The following ARGFX variants were observed in gnomAD, a reference collection of about 807,000 sequenced individuals.
The protein encoded by ARGFX is arginine-fifty homeobox.
ARGFX carries 10 observed loss-of-function variants against 8.0 expected under a neutral mutation model. The observed-to-expected ratio is 1.25, with a 90% CI of 0.77 to 2.12. The LOEUF (loss-of-function observed/expected upper bound fraction) is 2.12, where lower values mean the gene tolerates loss of function less well. Among genes scored for constraint, ARGFX ranks in the 30% most tolerant of loss-of-function variants. The pLI is 0.00. For missense variants in ARGFX, 282 were observed against 324.3 expected, an observed-to-expected ratio of 0.87 and a Z score of 1.00; for synonymous variants, 116 against 117.8, an observed-to-expected ratio of 0.98 and a Z score of 0.10.
At chr3:121,577,191 A>G (rs2048743505) in intron 3 of ARGFX, among the ~76,000 whole-genome samples, 1 of 113,866 alleles carries the variant, frequency 8.8e-6, no homozygotes, top group South Asian at 3.0e-4. Context: ...GTATATATGT[A>G]TGTGTGTATG....
rs148759253 is a variant in ARGFX at position 121,581,233 on chromosome 3, G to T, written c.221-3684G>T. Among the ~76,000 whole-genome samples, 1,454 of 152,278 alleles carry T rather than the reference G, an allele frequency of 9.5e-3. 21 individuals are homozygous for T. Among genetic ancestry groups the T allele is most frequent in the African/African-American group, 0.033 (1,367 of 41,546 alleles). On this transcript the variant is annotated intron_variant, in intron 3 of 4. Coordinates refer to ENST00000334384, the MANE Select transcript of ARGFX (RefSeq NM_001012659.2). The stretch of plus-strand genomic sequence containing the variant: ...TCTGCCCAAAGTGCTGGGATTACAG[G>T]TGTGAGCCACCATGCCTGGCCAAAA...
At chr3:121,572,248 T>C (rs2048713581) in intron 2 of ARGFX, among the ~76,000 whole-genome samples, 1 of 146,058 alleles carries the variant, frequency 6.8e-6, no homozygotes, top group Non-Finnish European at 1.5e-5. Flanking sequence ...TTTTTTTTTT[T>C]TTTTTTTTTA....
intron 1 of ARGFX, among the ~76,000 whole-genome samples, chr3:121,570,389 A>T (rs2048700636): frequency 6.6e-6 from 1 of 152,246 alleles, no homozygotes; most frequent in Admixed American, 6.5e-5. Flanking sequence ...ATCTGTGGTC[A>T]TTTGATCTCT....
chr3:121,569,364 T>C (rs1218418368), intron 1 of ARGFX, among the ~76,000 whole-genome samples: 1 of 136,948 alleles, frequency 7.3e-6, no homozygotes, highest in South Asian at 2.2e-4. Flanking sequence ...TGTGAAAACT[T>C]TTTTTTTTTT....
At chr3:121,582,809 G>C (rs903783633) in intron 3 of ARGFX, among the ~76,000 whole-genome samples, 8 of 151,992 alleles carry the variant, frequency 5.3e-5, no homozygotes, top group Admixed American at 5.3e-4. Context: ...GGGTTAAAGT[G>C]ATCCTCCCAC....
intron 1 of ARGFX, among the ~76,000 whole-genome samples, chr3:121,569,003 A>C (rs2048690647): frequency 6.6e-6 from 1 of 152,256 alleles, no homozygotes; most frequent in African/African-American, 2.4e-5. Context: ...TACCATATTC[A>C]AAGTGAAAAC....
intron 3 of ARGFX, among the ~76,000 whole-genome samples, chr3:121,582,182 C>T (rs1399984689): frequency 6.6e-6 from 1 of 152,070 alleles, no homozygotes; most frequent in African/African-American, 2.4e-5. Context: ...AAATGCACCC[C>T]TATGGGATGA....
chr3:121,584,279 GAGCAA>G (rs952550666), intron 3 of ARGFX, among the ~76,000 whole-genome samples: 16 of 151,250 alleles, frequency 1.1e-4, no homozygotes, highest in South Asian at 4.2e-4. Context: ...AAGAAAAGAA[GAGCAA>G]AGCAAAGCAA....
At position 121,576,706 on chromosome 3, in the gene ARGFX, TTTTTCTTTCTTTC is replaced by T. The variant is rs1157376605; in HGVS notation, c.104-74_104-62del. The T allele has an allele frequency of 2.7e-3, 486 of 180,012 alleles. 5 individuals carry two copies. In the African/African-American group the frequency reaches 0.03, roughly 11 times the overall value. 11.2% of individuals were successfully genotyped at this position (180,012 alleles called of 1,614,324 possible). A position where few individuals can be genotyped will look rare whatever the true frequency, so the allele number is the denominator to read the frequency against. On this transcript the variant is annotated intron_variant, in intron 2 of 4. Coordinates refer to ENST00000334384, the MANE Select transcript of ARGFX (RefSeq NM_001012659.2). Reference sequence around the variant, plus strand: ...CTTTTTCTTTCTTTCTCTTTCTTTCTTTTTCTTTCTTTCTTTCTTTCTTTCTTTCTTTCTTTCT... The same window carrying T: ...CTTTTTCTTTCTTTCTCTTTCTTTCTTTTCTTTCTTTCTTTCTTTCTTTCT...
At chr3:121,581,895 G>A (rs975666358) in intron 3 of ARGFX, among the ~76,000 whole-genome samples, 9 of 152,032 alleles carry the variant, frequency 5.9e-5, no homozygotes, top group African/African-American at 2.2e-4. Flanking sequence ...GCTGGTGAGG[G>A]AGACTCTGTA....
chr3:121,581,867 C>T (rs1332211008), intron 3 of ARGFX, among the ~76,000 whole-genome samples: 30 of 151,810 alleles, frequency 2.0e-4, no homozygotes, highest in Admixed American at 2.0e-3. Flanking sequence ...CAAGCAACTG[C>T]ACTGCAATCC....
chr3:121,581,483 C>T (rs1023329280), intron 3 of ARGFX, among the ~76,000 whole-genome samples: 3 of 152,148 alleles, frequency 2.0e-5, no homozygotes, highest in Non-Finnish European at 4.4e-5. Context: ...ATGAGAAATA[C>T]TTGATCTGCA....
intron 4 of ARGFX, 39 bp downstream of exon 4, chr3:121,585,104 G>A (rs2048803448): frequency 6.2e-7 from 1 of 1,606,756 alleles, no homozygotes; most frequent in Non-Finnish European, 8.5e-7. Flanking sequence ...CCCCATCCAA[G>A]CCACATTCAC....
chr3:121,574,722 C>T (rs1367785425), intron 2 of ARGFX, among the ~76,000 whole-genome samples: 3 of 152,216 alleles, frequency 2.0e-5, no homozygotes, highest in African/African-American at 7.2e-5. Context: ...TGGACCCATA[C>T]CAGTTTGTGA....
chr3:121,569,295 A>G (rs992078023), intron 1 of ARGFX, among the ~76,000 whole-genome samples: 2 of 151,398 alleles, frequency 1.3e-5, no homozygotes, highest in Admixed American at 6.6e-5. Context: ...AATTGTGGAT[A>G]TTCTTTGAAA....
chr3:121,577,986 A>C (rs1343263716), intron 3 of ARGFX, among the ~76,000 whole-genome samples: 1 of 151,626 alleles, frequency 6.6e-6, no homozygotes, highest in African/African-American at 2.4e-5. Flanking sequence ...GGGTTTCACC[A>C]TGTTGGCCAG....
rs1289916727 is a variant in ARGFX at position 121,589,201 on chromosome 3, A to T, written c.*2601A>T. ...AAATAAATAAATAGAAGAAATCATG[A>T]GTAAAATTGGAAAACACTTTTAACT... On this transcript the variant is annotated 3_prime_UTR_variant, in exon 5 of 5. Coordinates refer to ENST00000334384, the MANE Select transcript of ARGFX (RefSeq NM_001012659.2). 6.6e-6 allele frequency among the ~76,000 whole-genome samples: 1 copy of T among 152,206 alleles called. No individual in the cohort carries two copies. Among genetic ancestry groups the T allele is most frequent in the Non-Finnish European group, 1.5e-5 (1 of 68,038 alleles).
intron 3 of ARGFX, among the ~76,000 whole-genome samples, chr3:121,578,120 C>CTTT (rs35072728): frequency 4.6e-4 from 52 of 113,090 alleles, no homozygotes; most frequent in African/African-American, 1.5e-3. Flanking sequence ...CCCTACCCCA[C>CTTT]TTTTTTTTTT....
intron 2 of ARGFX, 105 bp downstream of exon 2, chr3:121,570,921 T>A: frequency 2.7e-6 from 2 of 741,014 alleles, no homozygotes; most frequent in Non-Finnish European, 4.1e-6. Flanking sequence ...TTGATTGTTT[T>A]AAAAAATCTA....
Sources: allele counts gnomAD v4.1 joint callset (sites outside exome capture counted in the v4.1 genomes callset), GRCh38; gene constraint gnomAD v4.1.1; transcripts MANE v1.5; gene names NCBI Gene and HGNC (gene_info 2026-07-23, HGNC 2026-07-21).